Variants in ZNF469 observed in about 807,000 individuals in gnomAD.
ZNF469 encodes the protein zinc finger protein 469.
ZNF469 carries 1 observed loss-of-function variant against 1.0 expected under a neutral mutation model. The ratio of observed to expected loss-of-function variants is 1.00; its 90% CI spans 0.35 to 4.73. The LOEUF is 4.73. ZNF469 is among the 30% of genes most tolerant of loss of function. The probability of loss-of-function intolerance (pLI) is 0.16; values close to 1 mark genes in which losing one functional copy is unlikely to be tolerated. For missense variants in ZNF469, 6,100 were observed against 5,356.3 expected, an observed-to-expected ratio of 1.14 and a Z score of -4.33; for synonymous variants, 2,703 against 2,363.4, an observed-to-expected ratio of 1.14 and a Z score of -4.17.
chr16:88,430,088 C>T lies in ZNF469; in HGVS notation c.2618C>T (p.Pro873Leu). The T allele has an allele frequency of 6.5e-7, 1 of 1,550,142 alleles. No homozygotes were observed. The highest frequency in any genetic ancestry group is 8.7e-7 in the Non-Finnish European group (1 of 1,146,976). ...ATCGACGTCTTCGCGGACGAGGAGC[C>T]TTCCGGCCCCAGAGGTCCCAGCTCC... Reference protein sequence around the residue: ...SFIDVFADEEPSGPRGPSSGH... With the variant: ...SFIDVFADEELSGPRGPSSGH... The change falls in exon 3 of 3, where the codon CCT becomes CTT. Residue 873 changes from proline (P) to leucine (L), a missense_variant. By Grantham distance (98) the Pro-to-Leu change is moderately conservative (BLOSUM62 -3). Transcript: ENST00000565624.
At chr16:88,218,781 G>A in the ZNF469 span, among the ~76,000 whole-genome samples, 2 of 151,800 alleles carry the variant, frequency 1.3e-5, no homozygotes, top group African/African-American at 4.9e-5. Flanking sequence ...AATTAGGCAG[G>A]AGAAGGAAAT....
chr16:88,134,085 G>A, the ZNF469 span, among the ~76,000 whole-genome samples: 4 of 142,888 alleles, frequency 2.8e-5, no homozygotes, highest in South Asian at 2.2e-4. Context: ...GCAACAGAGC[G>A]AGTCTCTGTC....
the ZNF469 span, among the ~76,000 whole-genome samples, chr16:88,265,180 C>A: frequency 6.6e-6 from 1 of 152,218 alleles, no homozygotes; most frequent in Admixed American, 6.5e-5. Context: ...CTGGCCGCCG[C>A]CCACTGTCTC....
chr16:88,208,902 C>A, the ZNF469 span, among the ~76,000 whole-genome samples: 38 of 151,394 alleles, frequency 2.5e-4, 1 homozygote, highest in African/African-American at 8.5e-4. Flanking sequence ...CGAGTCCTTC[C>A]CCAGCAGGGC....
At chr16:88,283,952 G>T in the ZNF469 span, among the ~76,000 whole-genome samples, 13 of 120,414 alleles carry the variant, frequency 1.1e-4, 1 homozygote, top group African/African-American at 3.8e-4. Context: ...TAGACCCCCA[G>T]TGTGCCCAAG....
the ZNF469 span, among the ~76,000 whole-genome samples, chr16:88,242,078 C>T: frequency 6.6e-6 from 1 of 152,174 alleles, no homozygotes; most frequent in African/African-American, 2.4e-5. Context: ...CATGGGTCCC[C>T]CAACCCTGGA....
chr16:88,320,422 C>T, the ZNF469 span, among the ~76,000 whole-genome samples: 61 of 152,240 alleles, frequency 4.0e-4, no homozygotes, highest in Middle Eastern at 3.4e-3. Context: ...CTTGCTCTGT[C>T]GCCCAGGCTG....
At chr16:88,132,704 A>G in the ZNF469 span, among the ~76,000 whole-genome samples, 5,009 of 151,878 alleles carry the variant, frequency 0.033, no homozygotes, top group African/African-American at 0.11. Flanking sequence ...AAATGGAGAC[A>G]TAAGTGCGGC....
chr16:88,259,074 G>C, the ZNF469 span, among the ~76,000 whole-genome samples: 1 of 152,254 alleles, frequency 6.6e-6, no homozygotes, highest in African/African-American at 2.4e-5. The surrounding 1 kb of genome is among the most constrained non-coding windows in gnomAD (Gnocchi z 4.1). Flanking sequence ...CAAAGGACCA[G>C]AGAATGGTAT....
chr16:88,188,566 G>T, the ZNF469 span, among the ~76,000 whole-genome samples: 36 of 152,260 alleles, frequency 2.4e-4, no homozygotes, highest in Non-Finnish European at 4.0e-4. Context: ...CTGAATCTCT[G>T]GGAGTCCTGT....
At chr16:88,124,875 C>T in the ZNF469 span, among the ~76,000 whole-genome samples, 5 of 152,238 alleles carry the variant, frequency 3.3e-5, no homozygotes, top group Admixed American at 1.3e-4. Context: ...TGAGCCACTG[C>T]GCCCGGCCAA....
chr16:88,263,108 T>C, the ZNF469 span, among the ~76,000 whole-genome samples: 2 of 152,206 alleles, frequency 1.3e-5, no homozygotes, highest in African/African-American at 4.8e-5. Context: ...TCTCCAGGGA[T>C]TCGTGTCTGA....
At chr16:88,116,633 G>A in the ZNF469 span, among the ~76,000 whole-genome samples, 3 of 152,168 alleles carry the variant, frequency 2.0e-5, no homozygotes, top group South Asian at 2.1e-4. Context: ...ACCACGGAAC[G>A]CTACTCAGCC....
the ZNF469 span, among the ~76,000 whole-genome samples, chr16:88,341,750 G>C: frequency 2.0e-5 from 3 of 152,184 alleles, no homozygotes; most frequent in Non-Finnish European, 4.4e-5. Context: ...GTGGGGTTCA[G>C]ATGAGCCAGG....
the ZNF469 span, among the ~76,000 whole-genome samples, chr16:88,230,513 G>A: frequency 1.3e-5 from 2 of 151,766 alleles, no homozygotes; most frequent in African/African-American, 4.8e-5. Context: ...AACGTGGAAC[G>A]CACCAAGGAG....
the ZNF469 span, among the ~76,000 whole-genome samples, chr16:88,149,787 C>T: frequency 6.6e-6 from 1 of 152,214 alleles, no homozygotes; most frequent in African/African-American, 2.4e-5. Flanking sequence ...TTCCCTCTTT[C>T]AGTCTCAGGT....
In ZNF469 at chr16:88,439,703, C is replaced by A. The variant is rs1329145011; in HGVS notation, c.*371C>A. The A allele has an allele frequency of 3.3e-6, 1 of 301,576 alleles. No homozygotes were observed. The highest frequency in any genetic ancestry group is 6.3e-6 in the Non-Finnish European group (1 of 158,666). The allele number at this position is 301,576 out of a possible 1,614,324, so 18.7% of individuals were successfully genotyped here. On this transcript the variant is annotated 3_prime_UTR_variant, in exon 3 of 3. Transcript: ENST00000565624. ...TGGAGATTTGCACAACCTCCCGTTC[C>A]CCCACATGGAGAAGGGAAGTAAGTT...
At chr16:88,145,477 C>T in the ZNF469 span, among the ~76,000 whole-genome samples, 26 of 152,390 alleles carry the variant, frequency 1.7e-4, no homozygotes, top group African/African-American at 5.5e-4. Flanking sequence ...GAGCCTCGTG[C>T]TTGGCCGCTG....
At chr16:88,366,431 T>A in the ZNF469 span, among the ~76,000 whole-genome samples, 4 of 149,470 alleles carry the variant, frequency 2.7e-5, no homozygotes, top group Admixed American at 2.7e-4. Flanking sequence ...ATCACTATTG[T>A]CACCACAACC....
Sources: gnomAD v4.1 joint callset for allele counts (sites outside exome capture counted in the v4.1 genomes callset) on GRCh38, gnomAD v4.1.1 for gene constraint, Gnocchi (gnomAD v3.1) non-coding constraint, MANE v1.5 for transcripts, NCBI Gene and HGNC (gene_info 2026-07-23, HGNC 2026-07-21) for gene names.